SLX4IP: variants seen among roughly 807,000 people sequenced by gnomAD.
The protein encoded by SLX4IP is SLX4 interacting protein.
SLX4IP carries 34 observed loss-of-function variants against 32.9 expected under a neutral mutation model. The ratio of observed to expected loss-of-function variants is 1.03; its 90% CI spans 0.79 to 1.38. The LOEUF (loss-of-function observed/expected upper bound fraction) is 1.38, where lower values mean the gene tolerates loss of function less well. SLX4IP is among the 40% of genes most tolerant of loss of function. The pLI, the probability that SLX4IP is intolerant of heterozygous loss-of-function variation, is 0.00. For missense variants in SLX4IP, 444 were observed against 479.0 expected (o/e 0.93, Z 0.68); for synonymous variants, 172 against 171.7 (o/e 1.00, Z -0.01).
intron 2 of SLX4IP, among the ~76,000 whole-genome samples, chr20:10,522,433 G>T (rs1324014670): frequency 6.6e-6 from 1 of 152,104 alleles, no homozygotes; most frequent in Non-Finnish European, 1.5e-5. Flanking sequence ...GTAGGGTGGA[G>T]GTGCTCTGTT....
intron 2 of SLX4IP, among the ~76,000 whole-genome samples, chr20:10,503,891 AC>A (rs2065738418): frequency 6.6e-6 from 1 of 151,874 alleles, no homozygotes; most frequent in South Asian, 2.1e-4. Context: ...TCTTAGAAGA[AC>A]AACAGTCATA....
intron 1 of SLX4IP, among the ~76,000 whole-genome samples, chr20:10,438,552 A>C (rs1205754553): frequency 2.1e-5 from 3 of 140,216 alleles, no homozygotes; most frequent in Non-Finnish European, 4.5e-5. Flanking sequence ...ATCTTGGCTC[A>C]CTGCAACCTC....
At chr20:10,613,855 C>T in intron 6 of SLX4IP, 3 of 1,594,664 alleles carry the variant, frequency 1.9e-6, no homozygotes, top group African/African-American at 2.7e-5. Flanking sequence ...TCTTCCAAAC[C>T]TTTGTATGTC....
At chr20:10,463,520 C>G (rs2065355465) in intron 2 of SLX4IP, among the ~76,000 whole-genome samples, 2 of 152,060 alleles carry the variant, frequency 1.3e-5, no homozygotes, top group Admixed American at 6.5e-5. Context: ...TGAACTGCAA[C>G]CAAAGTAACC....
chr20:10,604,976 T>G (rs1228507191), intron 6 of SLX4IP, among the ~76,000 whole-genome samples: 1 of 152,204 alleles, frequency 6.6e-6, no homozygotes, highest in Non-Finnish European at 1.5e-5. Context: ...CTTGGAAATA[T>G]GAAGAACATA....
intron 2 of SLX4IP, among the ~76,000 whole-genome samples, chr20:10,464,555 G>A (rs2065364580): frequency 2.0e-5 from 3 of 152,034 alleles, no homozygotes; most frequent in Admixed American, 2.0e-4. Flanking sequence ...CATTTAAAAG[G>A]AATTAATTAA....
intron 1 of SLX4IP, among the ~76,000 whole-genome samples, chr20:10,445,570 C>T (rs1404105556): frequency 6.6e-6 from 1 of 150,942 alleles, no homozygotes; most frequent in Non-Finnish European, 1.5e-5. Flanking sequence ...CCGCCTCAGC[C>T]TCCCAAAGTG....
At chr20:10,546,544 A>G (rs939154236) in intron 2 of SLX4IP, among the ~76,000 whole-genome samples, 2 of 151,954 alleles carry the variant, frequency 1.3e-5, no homozygotes, top group African/African-American at 4.9e-5. Flanking sequence ...TTGGAGAAAA[A>G]AAAGAGAAAA....
chr20:10,506,269 C>T (rs1037823206), intron 2 of SLX4IP, among the ~76,000 whole-genome samples: 1 of 152,132 alleles, frequency 6.6e-6, no homozygotes, highest in African/African-American at 2.4e-5. Context: ...ATTTTTGCAT[C>T]GCGATTATGC....
chr20:10,467,401 C>A (rs908522050), intron 2 of SLX4IP, among the ~76,000 whole-genome samples: 1 of 152,148 alleles, frequency 6.6e-6, no homozygotes, highest in Non-Finnish European at 1.5e-5. Flanking sequence ...AGTGTGCAAC[C>A]TTTGTCCCGA....
At chr20:10,552,974 A>C (rs2122493110) in intron 2 of SLX4IP, among the ~76,000 whole-genome samples, 2 of 152,260 alleles carry the variant, frequency 1.3e-5, no homozygotes, top group South Asian at 4.2e-4. Flanking sequence ...CCTGCAATAA[A>C]ATGTGTTGAG....
intron 1 of SLX4IP, among the ~76,000 whole-genome samples, chr20:10,453,511 G>A (rs1165385630): frequency 6.6e-6 from 1 of 151,872 alleles, no homozygotes; most frequent in Non-Finnish European, 1.5e-5. Context: ...CCTCATTTTG[G>A]TGAAGCACAT....
At chr20:10,495,805 C>G (rs1480730430) in intron 2 of SLX4IP, among the ~76,000 whole-genome samples, 3 of 151,634 alleles carry the variant, frequency 2.0e-5, no homozygotes, top group African/African-American at 7.3e-5. Context: ...ACCTGTTTTT[C>G]TTTTGGTTAA....
At chr20:10,548,464 C>A (rs1410751773) in intron 2 of SLX4IP, among the ~76,000 whole-genome samples, 1 of 152,238 alleles carries the variant, frequency 6.6e-6, no homozygotes. Flanking sequence ...TGGTCTCAAT[C>A]TCCTGACCTT....
At position 10,549,503 on chromosome 20, in the gene SLX4IP, A is replaced by G. The variant is rs560262888; in HGVS notation, c.28-6728A>G. Among the ~76,000 whole-genome samples the G allele has an allele frequency of 2.0e-5, 3 of 152,306 alleles. No individual in the cohort carries two copies. The South Asian group carries it at 6.2e-4, about 32-fold the overall frequency. On this transcript the variant is annotated intron_variant, in intron 2 of 7. Transcript: ENST00000334534. ...CACACTTGGCTGCCATTGCTCACCT[A>G]GAGGGGATAGGGGCCAGCTCCCAAA...
At chr20:10,488,005 A>G (rs1643408985) in intron 2 of SLX4IP, among the ~76,000 whole-genome samples, 1 of 152,136 alleles carries the variant, frequency 6.6e-6, no homozygotes, top group Non-Finnish European at 1.5e-5. Flanking sequence ...AGTAGGACCT[A>G]TCAGCTGTGG....
At chr20:10,550,735 C>T (rs765747904) in intron 2 of SLX4IP, among the ~76,000 whole-genome samples, 3 of 152,178 alleles carry the variant, frequency 2.0e-5, no homozygotes, top group Non-Finnish European at 2.9e-5. Context: ...GACTCTTTTC[C>T]GTCTCCAAAG....
At chr20:10,436,860 A>G (rs1460278181) in intron 1 of SLX4IP, among the ~76,000 whole-genome samples, 1 of 152,106 alleles carries the variant, frequency 6.6e-6, no homozygotes, top group Non-Finnish European at 1.5e-5. Context: ...AATTTCTGTT[A>G]TAACATCTGA....
chr20:10,611,024 A>T (rs934337763), intron 6 of SLX4IP, among the ~76,000 whole-genome samples: 32 of 152,218 alleles, frequency 2.1e-4, no homozygotes, highest in African/African-American at 7.7e-4. Context: ...AGGCTTTCTT[A>T]TGTGTCATAT....
Sources: gnomAD v4.1 joint callset for allele counts (sites outside exome capture counted in the v4.1 genomes callset) on GRCh38, gnomAD v4.1.1 for gene constraint, MANE v1.5 for transcripts, NCBI Gene and HGNC (gene_info 2026-07-23, HGNC 2026-07-21) for gene names.